Variants in ADGRG2 observed in about 807,000 individuals in gnomAD.
The protein encoded by ADGRG2 is adhesion G protein-coupled receptor G2, also known as G protein-coupled receptor 64.
Under a neutral mutation model 74.1 loss-of-function variants are expected in ADGRG2, and 26 were observed. The observed-to-expected ratio is 0.35, with a 90% CI of 0.26 to 0.49. The LOEUF (loss-of-function observed/expected upper bound fraction) is 0.49. Ranked by LOEUF, ADGRG2 falls within the 20% of genes least tolerant of loss-of-function variation. ADGRG2 has a pLI of 0.99. For missense variants in ADGRG2, 619 were observed against 763.1 expected (o/e 0.81, Z 2.22); for synonymous variants, 296 against 295.2 (o/e 1.00, Z -0.03).
chrX:19,064,969 GGTGAT>G (rs1303145623), intron 3 of ADGRG2, among the ~76,000 whole-genome samples: 1 of 110,826 alleles, frequency 9.0e-6, no homozygotes. Context: ...GTGCTATCAA[GGTGAT>G]TATTCAGTAA....
intron 23 of ADGRG2, among the ~76,000 whole-genome samples, chrX:19,003,563 T>G (rs752419936): frequency 9.0e-6 from 1 of 110,993 alleles, no homozygotes; most frequent in Non-Finnish European, 1.9e-5. Context: ...TGAGTATATG[T>G]GTATATGGGG....
intron 1 of ADGRG2, among the ~76,000 whole-genome samples, chrX:19,119,109 C>T (rs930627847): frequency 8.0e-5 from 9 of 111,853 alleles, no homozygotes; most frequent in Non-Finnish European, 5.6e-5. Context: ...CATCCTGATA[C>T]GGTGGTGGTT....
chrX:19,115,979 G>A (rs778178108), intron 1 of ADGRG2, among the ~76,000 whole-genome samples: 149 of 110,551 alleles, frequency 1.3e-3, no homozygotes, highest in Non-Finnish European at 1.9e-3. Context: ...GGAGACTGAG[G>A]CAGGAAGCCT....
At chrX:19,049,256 T>C (rs1434552114) in intron 3 of ADGRG2, among the ~76,000 whole-genome samples, 2 of 111,678 alleles carry the variant, frequency 1.8e-5, no homozygotes, top group African/African-American at 6.5e-5. Flanking sequence ...ACTTTCTGCC[T>C]CTGCCTGATC....
At chrX:19,057,628 C>T (rs1405496382) in intron 3 of ADGRG2, among the ~76,000 whole-genome samples, 3 of 110,824 alleles carry the variant, frequency 2.7e-5, no homozygotes, top group African/African-American at 9.9e-5. Context: ...GAGTTTGAGC[C>T]CAGGGGTTTG....
In ADGRG2 at chrX:18,990,761, G is replaced by A. The variant is rs956390213; in HGVS notation, c.*103C>T. On this transcript the variant is annotated 3_prime_UTR_variant, in exon 29 of 29. Transcript: ENST00000379869. ...AGCTTATGCTTCTCCAGATGTTGCC[G>A]AGAATAAAATGAGTTGATTTTCATA... is the stretch of plus-strand genomic sequence containing the variant. 8.3e-5 allele frequency: 47 copies of A among 566,162 alleles called. No homozygotes were observed. The highest frequency in any genetic ancestry group is 1.8e-4 in the Admixed American group (5 of 27,406). The allele number at this position is 566,162 out of a possible 1,213,427, so 46.7% of individuals were successfully genotyped here.
At chrX:19,052,834 C>T (rs1335550116) in intron 3 of ADGRG2, among the ~76,000 whole-genome samples, 4 of 109,422 alleles carry the variant, frequency 3.7e-5, no homozygotes, top group Non-Finnish European at 7.6e-5. Context: ...GGATTACAGG[C>T]GCCCACCACC....
intron 26 of ADGRG2, 137 bp downstream of exon 26, chrX:18,998,859 A>G (rs2060070755): frequency 2.0e-6 from 1 of 504,823 alleles, no homozygotes; most frequent in Non-Finnish European, 3.4e-6. Context: ...GACTCACTTT[A>G]TTGCAATATT....
At chrX:19,049,438 GTTTTTT>G (rs752686975) in intron 3 of ADGRG2, among the ~76,000 whole-genome samples, 5 of 82,214 alleles carry the variant, frequency 6.1e-5, no homozygotes, top group Non-Finnish European at 1.1e-4. Flanking sequence ...CGTTTTTTGT[GTTTTTT>G]TTTTTTTTTT....
intron 17 of ADGRG2, among the ~76,000 whole-genome samples, 164 bp downstream of exon 17, chrX:19,010,449 C>T (rs138728207): frequency 2.7e-5 from 3 of 109,627 alleles, no homozygotes; most frequent in Admixed American, 9.7e-5. Flanking sequence ...ATTTGGCAGT[C>T]CCATCTGTCT....
rs749775495 is a variant in ADGRG2 at position 19,021,337 on chromosome X, TA to T, written c.549-140del. On this transcript the variant is annotated intron_variant, in intron 13 of 28. Transcript: ENST00000379869. ...TTGTGATGTCACCCCAATAAGCTTG[TA>T]AATACCCATTTACCACGGTCTGAAT... is the stretch of plus-strand genomic sequence containing the variant. 7.9e-5 allele frequency: 40 copies of T among 508,569 alleles called. No individual in the cohort carries two copies. The African/African-American group carries it at 8.5e-4, about 11-fold the overall frequency. The allele number at this position is 508,569 out of a possible 1,213,427, so 41.9% of individuals were successfully genotyped here.
chrX:19,084,199 G>A (rs892203440), intron 1 of ADGRG2, among the ~76,000 whole-genome samples: 4 of 110,480 alleles, frequency 3.6e-5, no homozygotes, highest in Non-Finnish European at 5.7e-5. Flanking sequence ...AACTAATGCA[G>A]GAACAGAAAA....
chrX:19,072,413 A>G (rs1332095920), intron 2 of ADGRG2, among the ~76,000 whole-genome samples: 2 of 111,774 alleles, frequency 1.8e-5, no homozygotes, highest in African/African-American at 6.5e-5. Context: ...ATCAGGTGAA[A>G]GACATCAAGT....
At chrX:19,009,602 T>C (rs376362473) in intron 18 of ADGRG2, 24 bp downstream of exon 18, 3 of 1,186,610 alleles carry the variant, frequency 2.5e-6, no homozygotes, top group South Asian at 3.5e-5. Context: ...AGAATGTTTT[T>C]TTCTGCCATC....
chrX:19,089,964 C>G (rs1304586178), intron 1 of ADGRG2, among the ~76,000 whole-genome samples: 1 of 112,426 alleles, frequency 8.9e-6, no homozygotes, highest in East Asian at 2.8e-4. Context: ...CACCTTCTTT[C>G]TTCCCTTCCT....
chrX:19,049,381 G>A (rs920506748), intron 3 of ADGRG2, among the ~76,000 whole-genome samples: 7 of 109,202 alleles, frequency 6.4e-5, no homozygotes, highest in Non-Finnish European at 1.1e-4. Context: ...TCTTCCCTGG[G>A]CCCCTGACTT....
intron 1 of ADGRG2, among the ~76,000 whole-genome samples, chrX:19,088,979 A>C (rs1426700901): frequency 9.0e-6 from 1 of 111,566 alleles, no homozygotes; most frequent in Non-Finnish European, 1.9e-5. Context: ...TTCCATATAT[A>C]TCTGCCACGT....
chrX:19,116,007 C>T (rs1219043711), intron 1 of ADGRG2, among the ~76,000 whole-genome samples: 4 of 109,634 alleles, frequency 3.6e-5, no homozygotes, highest in Admixed American at 9.8e-5. Context: ...TCCAGGAGTT[C>T]GAGACCAGCC....
Position 19,003,139 on chromosome X carries a change from A to T in ADGRG2, c.1962-25T>A, listed in dbSNP as rs777189685. 3.5e-6 allele frequency: 4 copies of T among 1,154,424 alleles called. No individual in the cohort carries two copies. In the East Asian group the frequency reaches 1.2e-4, roughly 34 times the overall value. ...TCTAAAAGGAAAGGATGAGAACAAG[A>T]ATGAGCATTCTACTCTGCCAACCCT... On this transcript the variant is annotated intron_variant, in intron 23 of 28. Coordinates refer to ENST00000379869, the MANE Select transcript of ADGRG2 (RefSeq NM_001079858.3).
Sources: gnomAD v4.1 joint callset for allele counts (sites outside exome capture counted in the v4.1 genomes callset) on GRCh38, gnomAD v4.1.1 for gene constraint, MANE v1.5 for transcripts, NCBI Gene and HGNC (gene_info 2026-07-23, HGNC 2026-07-21) for gene names.